GALNT9: variants seen among roughly 807,000 people sequenced by gnomAD.
GALNT9 encodes the protein polypeptide N-acetylgalactosaminyltransferase 9, also known as GalNAc transferase 9.
Under a neutral mutation model 63.1 loss-of-function variants are expected in GALNT9, and 47 were observed. That is an observed-to-expected ratio of 0.75 (90% CI 0.59 to 0.95). The LOEUF (loss-of-function observed/expected upper bound fraction) is 0.95. GALNT9 is among the 40% of genes least tolerant of loss of function. The pLI is 0.00. For missense variants in GALNT9, 829 were observed against 874.8 expected, an observed-to-expected ratio of 0.95 and a Z score of 0.66; for synonymous variants, 396 against 365.7, an observed-to-expected ratio of 1.08 and a Z score of -0.94.
chr12:132,303,930 C>T, intron 1 of GALNT9, among the ~76,000 whole-genome samples: 1 of 52,400 alleles, frequency 1.9e-5, no homozygotes, highest in Non-Finnish European at 3.7e-5. Context: ...CTCGCCCAGA[C>T]ACACCCTCGC....
At chr12:132,198,134 C>T (rs940604958) in intron 9 of GALNT9, among the ~76,000 whole-genome samples, 175 bp from the exon 10 acceptor site, 4 of 152,336 alleles carry the variant, frequency 2.6e-5, no homozygotes, top group East Asian at 3.9e-4. Flanking sequence ...GCAGGGCCCA[C>T]GTGGGGATGC....
chr12:132,299,060 C>T (rs1555243556), intron 1 of GALNT9, among the ~76,000 whole-genome samples: 1 of 145,534 alleles, frequency 6.9e-6, no homozygotes, highest in Non-Finnish European at 1.5e-5. Context: ...TCACCCACTC[C>T]CACCACACCT....
At chr12:132,198,109 GGA>G (rs1875671502) in intron 9 of GALNT9, 150 bp from the exon 10 acceptor site, 1 of 659,266 alleles carries the variant, frequency 1.5e-6, no homozygotes, top group African/African-American at 1.8e-5. Context: ...GTTGCGGGCG[GGA>G]GAGGACCGCC....
intron 6 of GALNT9, 136 bp from the exon 7 acceptor site, chr12:132,203,826 G>T: frequency 1.1e-6 from 1 of 900,446 alleles, no homozygotes; most frequent in Non-Finnish European, 1.6e-6. Flanking sequence ...GGCCTGGTGG[G>T]TCCCGGGGCT....
chr12:132,243,411 C>T (rs1397853947), intron 6 of GALNT9, among the ~76,000 whole-genome samples: 2 of 151,916 alleles, frequency 1.3e-5, no homozygotes, highest in East Asian at 1.9e-4. Flanking sequence ...GGTGGGGGCC[C>T]CAGTCCTCCT....
In GALNT9 at chr12:132,262,450, C is replaced by T. The variant is rs1397170804; in HGVS notation, c.586+9G>A. ...CGGCGAGCACCGTGCCGAGGCCCCGCCCACTCACCGTTGTCACTGTTGTCG... is the reference window on the plus strand; with the variant it reads ...CGGCGAGCACCGTGCCGAGGCCCCGTCCACTCACCGTTGTCACTGTTGTCG... On this transcript the variant is annotated intron_variant, in intron 3 of 10. Coordinates refer to ENST00000328957, the MANE Select transcript of GALNT9 (RefSeq NM_001122636.2). 3.9e-6 allele frequency: 6 copies of T among 1,547,632 alleles called. No individual in the cohort carries two copies. The East Asian group carries it at 7.3e-5, about 19-fold the overall frequency.
intron 2 of GALNT9, among the ~76,000 whole-genome samples, chr12:132,264,173 G>A (rs1481997885): frequency 3.3e-5 from 5 of 152,190 alleles, no homozygotes; most frequent in Admixed American, 2.6e-4. Flanking sequence ...GCGGCCACTC[G>A]CTTTATAAAC....
At chr12:132,266,528 C>T (rs1321679081) in intron 2 of GALNT9, among the ~76,000 whole-genome samples, 2 of 152,220 alleles carry the variant, frequency 1.3e-5, no homozygotes, top group African/African-American at 4.8e-5. Context: ...GAGGTGGAGG[C>T]CGAGACTCGA....
At chr12:132,200,890 TTA>T (rs1211338061) in intron 8 of GALNT9, 13 of 532,194 alleles carry the variant, frequency 2.4e-5, no homozygotes, top group African/African-American at 1.9e-4. Flanking sequence ...GTGCGTGTGT[TTA>T]TGTGAACCTG....
In GALNT9 at chr12:132,196,642, T is replaced by C. The variant is rs1053547390; in HGVS notation, c.*465A>G. On this transcript the variant is annotated 3_prime_UTR_variant, in exon 11 of 11. Coordinates refer to ENST00000328957, the MANE Select transcript of GALNT9 (RefSeq NM_001122636.2). ...GACCACAAGGAGCTGCATTATGATG[T>C]GTGACTTAGGTCTTGGTTGGAGGGC... 2.0e-6 allele frequency: 2 copies of C among 998,542 alleles called. No homozygotes were observed. Among genetic ancestry groups the C allele is most frequent in the African/African-American group, 1.7e-5 (1 of 57,486 alleles). The allele number at this position is 998,542 out of a possible 1,614,324, so 61.9% of individuals were successfully genotyped here.
At chr12:132,303,477 CCGGGCA>C (rs1555244108) in intron 1 of GALNT9, among the ~76,000 whole-genome samples, 19 of 79,138 alleles carry the variant, frequency 2.4e-4, no homozygotes, top group Admixed American at 7.4e-4. Flanking sequence ...ACACCCTCAC[CCGGGCA>C]CAGAATCGCC....
chr12:132,199,137 C>T, intron 9 of GALNT9, 37 bp downstream of exon 9: 5 of 1,404,246 alleles, frequency 3.6e-6, no homozygotes, highest in Non-Finnish European at 5.0e-6. Flanking sequence ...GGGGTCGTCC[C>T]CTTGGGAGCT....
rs574307218 is a variant in GALNT9, at chr12:132,310,550, C to T, written c.238+18416G>A. ...CCTGAAGAGTCATTTCACACTTGGC[C>T]GCCTGCTTTCCCAGCACACGATACC... On this transcript the variant is annotated intron_variant, in intron 1 of 10. Transcript: ENST00000328957. This position sits in a 1 kb window ranked among gnomAD's most constrained non-coding sequence, Gnocchi z 4.8. 1.6e-4 allele frequency among the ~76,000 whole-genome samples: 25 copies of T among 152,288 alleles called. No homozygotes were observed. The highest frequency in any genetic ancestry group is 8.3e-4 in the South Asian group (4 of 4,816).
At chr12:132,202,668 CAGACAAGCCCGTTTCTA>C (rs1876253372) in intron 7 of GALNT9, among the ~76,000 whole-genome samples, 1 of 152,070 alleles carries the variant, frequency 6.6e-6, no homozygotes. Context: ...AGGGTTGATG[CAGACAAGCCCGTTTCTA>C]AGATGAGCCC....
chr12:132,197,920 G>A lies in GALNT9; in HGVS notation c.1537C>T (p.Pro513Ser), dbSNP rs1374201580. The A allele has an allele frequency of 6.8e-6, 11 of 1,611,548 alleles. No homozygotes were observed. Among genetic ancestry groups the A allele is most frequent in the Admixed American group, 1.7e-5 (1 of 59,948 alleles). The change falls in exon 10 of 11, where the codon CCT (proline) becomes TCT (serine). Residue 513 changes from proline (P) to serine (S), a missense_variant. Physicochemically the swap from Pro to Ser is moderately conservative, Grantham distance 74 (BLOSUM62 -1). Coordinates refer to ENST00000328957, the MANE Select transcript of GALNT9 (RefSeq NM_001122636.2). The part of the protein sequence containing the change: ...YSADGLLQLG[P>S]LGSTAFLPDS... ...GGCAAGAAGGCTGTGGAGCCCAGAG[G>A]CCCCAGCTGCAGCAGTCCATCAGCG... is the stretch of plus-strand genomic sequence containing the variant.
At chr12:132,250,303 G>A (rs781316471) in intron 5 of GALNT9, among the ~76,000 whole-genome samples, 9 of 152,228 alleles carry the variant, frequency 5.9e-5, no homozygotes, top group Non-Finnish European at 1.0e-4. Flanking sequence ...ACGGGGAGTG[G>A]CGGCTCGTGG....
chr12:132,244,792 T>G (rs1163879309), intron 6 of GALNT9, among the ~76,000 whole-genome samples: 6 of 61,942 alleles, frequency 9.7e-5, no homozygotes, highest in Middle Eastern at 0.016. Flanking sequence ...GGCGTGGTGA[T>G]GGGGCTGGAC....
chr12:132,250,511 C>T (rs111714194), intron 5 of GALNT9, among the ~76,000 whole-genome samples: 1,526 of 152,336 alleles, frequency 0.01, 23 homozygotes, highest in African/African-American at 0.034. Flanking sequence ...CCAACGTGGC[C>T]GGGCACAGTG....
At chr12:132,258,843 C>T (rs536618251) in intron 4 of GALNT9, among the ~76,000 whole-genome samples, 4 of 152,334 alleles carry the variant, frequency 2.6e-5, no homozygotes, top group Non-Finnish European at 5.9e-5. Context: ...CGCAGAGGCC[C>T]GCCGTCCACG....
Sources: allele counts gnomAD v4.1 joint callset (sites outside exome capture counted in the v4.1 genomes callset), GRCh38; gene constraint gnomAD v4.1.1; non-coding constraint Gnocchi (gnomAD v3.1); transcripts MANE v1.5; gene names NCBI Gene and HGNC (gene_info 2026-07-23, HGNC 2026-07-21).